The following LRBA variants were observed in gnomAD, a reference collection of about 807,000 sequenced individuals.
LRBA encodes lipopolysaccharide-responsive and beige-like anchor protein.
A neutral mutation model predicts 330.0 loss-of-function variants in LRBA; 176 were observed. The ratio of observed to expected loss-of-function variants is 0.53; its 90% CI spans 0.47 to 0.60. The LOEUF (loss-of-function observed/expected upper bound fraction) is 0.60, where lower values mean the gene tolerates loss of function less well. LRBA is among the 20% of genes least tolerant of loss of function. The probability of loss-of-function intolerance (pLI) is 0.00; values close to 1 mark genes in which losing one functional copy is unlikely to be tolerated. For synonymous variants in LRBA, 1,230 were observed against 1,193.0 expected, an observed-to-expected ratio of 1.03 and a Z score of -0.64; for missense variants, 3,259 against 3,444.8, an observed-to-expected ratio of 0.95 and a Z score of 1.35.
At chr4:150,332,495 A>G (rs938544994) in intron 48 of LRBA, among the ~76,000 whole-genome samples, 4 of 152,154 alleles carry the variant, frequency 2.6e-5, no homozygotes, top group Admixed American at 1.3e-4. Flanking sequence ...ACTGCCTAAT[A>G]TTTCTGTGCT....
chr4:150,621,026 A>C (rs932621303), intron 37 of LRBA, among the ~76,000 whole-genome samples: 2 of 152,160 alleles, frequency 1.3e-5, no homozygotes, highest in Non-Finnish European at 2.9e-5. Flanking sequence ...CTGCTGTTTG[A>C]TAAAAAGTGC....
At chr4:150,929,776 G>C (rs1325784140) in intron 2 of LRBA, among the ~76,000 whole-genome samples, 1 of 151,876 alleles carries the variant, frequency 6.6e-6, no homozygotes, top group African/African-American at 2.4e-5. Flanking sequence ...TACCTTTGTA[G>C]AGCTATCTCA....
rs1430013337 is a variant in LRBA, at chr4:150,321,642, TTCCC to T, written c.7453-278_7453-275del. On this transcript the variant is annotated intron_variant, in intron 49 of 56. Transcript: ENST00000651943. This position sits in a 1 kb window ranked among gnomAD's most constrained non-coding sequence, Gnocchi z 4.5. ...AATTTATAAATTTTATGAGCTCCCT[TTCCC>T]TCCCCACTGCCACGAAAAACTAAAA... Among the ~76,000 whole-genome samples the T allele has an allele frequency of 1.3e-5, 2 of 152,112 alleles. No individual in the cohort carries two copies. Among genetic ancestry groups the T allele is most frequent in the Non-Finnish European group, 2.9e-5 (2 of 68,004 alleles).
chr4:150,289,269 A>T (rs1178985721), intron 53 of LRBA, among the ~76,000 whole-genome samples: 1 of 152,030 alleles, frequency 6.6e-6, no homozygotes, highest in Non-Finnish European at 1.5e-5. Flanking sequence ...ATCATTTTTC[A>T]CTCCACAGAT....
intron 52 of LRBA, among the ~76,000 whole-genome samples, chr4:150,304,158 T>C (rs1185164803): frequency 6.6e-6 from 1 of 152,184 alleles, no homozygotes; most frequent in Non-Finnish European, 1.5e-5. Flanking sequence ...GAAAATTAAA[T>C]TAATATGCCT....
intron 36 of LRBA, among the ~76,000 whole-genome samples, chr4:150,709,043 T>A (rs935613966): frequency 9.2e-5 from 14 of 151,848 alleles, no homozygotes; most frequent in Non-Finnish European, 1.8e-4. Context: ...CACTTCATAA[T>A]GTGTTTTAAC....
chr4:150,368,594 C>T (rs527937116), intron 47 of LRBA, among the ~76,000 whole-genome samples: 20 of 152,146 alleles, frequency 1.3e-4, no homozygotes, highest in African/African-American at 3.1e-4. Flanking sequence ...AAGGTAACAA[C>T]GATCAGTTGT....
At chr4:150,523,467 G>A (rs11931161) in intron 40 of LRBA, among the ~76,000 whole-genome samples, 5 of 151,860 alleles carry the variant, frequency 3.3e-5, no homozygotes, top group African/African-American at 1.2e-4. Context: ...TGACTTCACC[G>A]TGGAATTCCC....
chr4:150,384,788 G>C (rs1247184047), intron 47 of LRBA, among the ~76,000 whole-genome samples: 1 of 151,668 alleles, frequency 6.6e-6, no homozygotes, highest in Non-Finnish European at 1.5e-5. Context: ...TTAAGATTAG[G>C]GAAATGAGAG....
chr4:150,548,103 C>G (rs1420671309), intron 40 of LRBA, among the ~76,000 whole-genome samples: 2 of 152,090 alleles, frequency 1.3e-5, no homozygotes, highest in Admixed American at 6.6e-5. Flanking sequence ...TTTGTGCAGC[C>G]TTAAAGCAGC....
intron 37 of LRBA, among the ~76,000 whole-genome samples, chr4:150,670,812 A>G (rs564444864): frequency 6.6e-6 from 1 of 152,304 alleles, no homozygotes; most frequent in South Asian, 2.1e-4. Context: ...CCTTATTTGT[A>G]ACTCCTTTCT....
chr4:150,341,126 T>C (rs1226437336), intron 48 of LRBA, among the ~76,000 whole-genome samples: 3 of 151,994 alleles, frequency 2.0e-5, no homozygotes, highest in African/African-American at 2.4e-5. Flanking sequence ...GATGAACAGA[T>C]ATGAATGGTT....
At chr4:150,724,612 C>G (rs1222467259) in intron 36 of LRBA, among the ~76,000 whole-genome samples, 1 of 152,056 alleles carries the variant, frequency 6.6e-6, no homozygotes, top group Non-Finnish European at 1.5e-5. Flanking sequence ...TCTGACGAAA[C>G]AGAGACATAT....
At chr4:150,505,204 GA>G (rs1408631830) in intron 40 of LRBA, among the ~76,000 whole-genome samples, 1 of 152,142 alleles carries the variant, frequency 6.6e-6, no homozygotes, top group Non-Finnish European at 1.5e-5. Flanking sequence ...CCCAGGAACT[GA>G]ACTCAGCTCT....
chr4:150,739,282 A>T (rs556599310), intron 35 of LRBA, among the ~76,000 whole-genome samples: 2 of 152,302 alleles, frequency 1.3e-5, no homozygotes, highest in African/African-American at 4.8e-5. Context: ...ACCTGACCTG[A>T]CTGACATATC....
At chr4:150,840,855 TA>T in intron 28 of LRBA, 1 of 921,974 alleles carries the variant, frequency 1.1e-6, no homozygotes. Context: ...GGCATGCCTG[TA>T]AATAGAAACT....
intron 47 of LRBA, among the ~76,000 whole-genome samples, chr4:150,386,039 A>G (rs1271414473): frequency 6.6e-6 from 1 of 152,180 alleles, no homozygotes; most frequent in African/African-American, 2.4e-5. Context: ...ATGGGTTACT[A>G]ATCAACAACT....
At chr4:150,532,213 A>G (rs983776417) in intron 40 of LRBA, among the ~76,000 whole-genome samples, 1 of 152,156 alleles carries the variant, frequency 6.6e-6, no homozygotes, top group East Asian at 1.9e-4. Flanking sequence ...ACCCTCATCC[A>G]TTATCCTTGT....
At chr4:150,577,547 G>A (rs1187459369) in intron 40 of LRBA, among the ~76,000 whole-genome samples, 1 of 151,880 alleles carries the variant, frequency 6.6e-6, no homozygotes, top group Non-Finnish European at 1.5e-5. Context: ...TAAACACGTG[G>A]TCCTTTGTTT....
Sources: allele counts gnomAD v4.1 joint callset (sites outside exome capture counted in the v4.1 genomes callset), GRCh38; gene constraint gnomAD v4.1.1; non-coding constraint Gnocchi (gnomAD v3.1); transcripts MANE v1.5; gene names NCBI Gene and HGNC (gene_info 2026-07-23, HGNC 2026-07-21).